The following TRIO variants were observed in gnomAD, a reference collection of about 807,000 sequenced individuals.
TRIO encodes the protein triple functional domain protein.
TRIO carries 58 observed loss-of-function variants against 351.9 expected under a neutral mutation model. That is an observed-to-expected ratio of 0.16 (90% CI 0.13 to 0.21). The LOEUF (loss-of-function observed/expected upper bound fraction) is 0.21. Ranked by LOEUF, TRIO falls within the 10% of genes least tolerant of loss-of-function variation. The pLI is 1.00. For missense variants in TRIO, 3,201 were observed against 4,027.8 expected (o/e 0.79, Z 5.56); for synonymous variants, 1,758 against 1,595.7 (o/e 1.10, Z -2.42).
chr5:14,337,702 G>C (rs912058991), intron 11 of TRIO, among the ~76,000 whole-genome samples: 3 of 152,176 alleles, frequency 2.0e-5, no homozygotes, highest in Admixed American at 2.0e-4. Flanking sequence ...GAAAAGAACG[G>C]CACTACCAGC....
intron 1 of TRIO, among the ~76,000 whole-genome samples, chr5:14,208,527 G>T (rs1468992620): frequency 1.3e-5 from 2 of 152,226 alleles, no homozygotes; most frequent in African/African-American, 4.8e-5. Flanking sequence ...TGACTGCAAA[G>T]AGTCACAAGG....
intron 46 of TRIO, 130 bp downstream of exon 46, chr5:14,482,903 A>G: frequency 1.1e-6 from 1 of 932,320 alleles, no homozygotes; most frequent in Non-Finnish European, 1.5e-6. Context: ...AGTATATTTC[A>G]GAGCCTTGAA....
In TRIO at chr5:14,368,872, T is replaced by C; in HGVS notation, c.3039T>C (p.Ser1013=). Residue 1013 remains serine, a synonymous_variant, in exon 17 of 57, where the codon TCT becomes TCC. Transcript: ENST00000344204. ...ATCGCCTCAAGCTCGTCAACGCCTCTGTCGCTTTCTACAAAACCTCAGAGC... is the reference window on the plus strand; with the variant it reads ...ATCGCCTCAAGCTCGTCAACGCCTCCGTCGCTTTCTACAAAACCTCAGAGC... ...MEDRLKLVNA[S]VAFYKTSEQV... The C allele has an allele frequency of 6.2e-7, 1 of 1,614,176 alleles. No individual in the cohort carries two copies. The highest frequency in any genetic ancestry group is 8.5e-7 in the Non-Finnish European group (1 of 1,180,030).
At chr5:14,178,803 G>T (rs1446996639) in intron 1 of TRIO, among the ~76,000 whole-genome samples, 1 of 152,182 alleles carries the variant, frequency 6.6e-6, no homozygotes, top group African/African-American at 2.4e-5. Flanking sequence ...AAGGAGAGTG[G>T]TCACAGGGGT....
intron 1 of TRIO, among the ~76,000 whole-genome samples, chr5:14,145,064 C>T (rs1191188499): frequency 1.3e-5 from 2 of 151,502 alleles, no homozygotes; most frequent in Non-Finnish European, 2.9e-5. Context: ...GTGGCGGCCT[C>T]GGGGAGGACG....
intron 1 of TRIO, among the ~76,000 whole-genome samples, chr5:14,218,917 C>T (rs1792401080): frequency 6.6e-6 from 1 of 152,256 alleles, no homozygotes; most frequent in East Asian, 1.9e-4. Context: ...GCAGTGCCGG[C>T]AGCAACCCTT....
intron 8 of TRIO, among the ~76,000 whole-genome samples, chr5:14,311,386 G>A (rs995519966): frequency 4.6e-5 from 7 of 152,196 alleles, no homozygotes; most frequent in Non-Finnish European, 1.5e-5. Flanking sequence ...TCATCATTTG[G>A]AGGTCCATCC....
At chr5:14,292,768 C>T (rs1049787206) in intron 5 of TRIO, among the ~76,000 whole-genome samples, 7 of 152,218 alleles carry the variant, frequency 4.6e-5, no homozygotes, top group Non-Finnish European at 8.8e-5. Context: ...ACTCTCTTTA[C>T]TTATCTGCTT....
At chr5:14,309,059 A>T in intron 8 of TRIO, among the ~76,000 whole-genome samples, 1 of 140,656 alleles carries the variant, frequency 7.1e-6, no homozygotes, top group East Asian at 2.3e-4. Flanking sequence ...TTATCTATCT[A>T]CCCACCACTT....
intron 1 of TRIO, among the ~76,000 whole-genome samples, chr5:14,257,755 T>G (rs1795107968): frequency 6.6e-6 from 1 of 152,228 alleles, no homozygotes; most frequent in Non-Finnish European, 1.5e-5. Flanking sequence ...AGTGGCTTTT[T>G]AACAATAATT....
intron 18 of TRIO, 59 bp downstream of exon 18, chr5:14,369,582 C>T (rs981656026): frequency 2.3e-5 from 35 of 1,530,380 alleles, no homozygotes; most frequent in East Asian, 4.7e-5. Flanking sequence ...GCCAGGTGCG[C>T]GTGGCACAGT....
chr5:14,265,104 A>G (rs1295441753), intron 1 of TRIO, among the ~76,000 whole-genome samples: 1 of 144,702 alleles, frequency 6.9e-6, no homozygotes, highest in Non-Finnish European at 1.5e-5. Context: ...TTTTTTCCCA[A>G]TCTCTTCCCG....
intron 19 of TRIO, 114 bp from the exon 20 acceptor site, chr5:14,377,898 C>T (rs1745710397): frequency 2.7e-6 from 2 of 729,422 alleles, no homozygotes; most frequent in East Asian, 2.8e-5. Context: ...CTTTATTTAT[C>T]GTGCTGTCTT....
chr5:14,320,895 C>T (rs1400249338), intron 9 of TRIO, among the ~76,000 whole-genome samples: 2 of 152,156 alleles, frequency 1.3e-5, no homozygotes, highest in Non-Finnish European at 2.9e-5. Context: ...AATTTGAATC[C>T]TCCTTGTCAA....
rs773220678 is a variant in TRIO at position 14,358,308 on chromosome 5, A to G, written c.2177A>G (p.Asn726Ser). The G allele has an allele frequency of 8.7e-6, 14 of 1,614,022 alleles. No homozygotes were observed. The highest frequency in any genetic ancestry group is 1.3e-5 in the African/African-American group (1 of 74,916). ...CAGACCACCCTGCAGGTGACTGTCA[A>G]CGTGATCAAGGAAGGGGAGGACCTC... ...QQQTTLQVTV[N>S]VIKEGEDLIQ... Residue 726 changes from asparagine (N) to serine (S), a missense_variant, in exon 12 of 57, where the codon AAC (asparagine) becomes AGC (serine). By Grantham distance (46) the Asn-to-Ser change is conservative (BLOSUM62 1). Around this residue, in one of 19 missense-constraint regions of TRIO, gnomAD observed 363 missense variants for 553.5 expected, o/e 0.66. Coordinates refer to ENST00000344204, the MANE Select transcript of TRIO (RefSeq NM_007118.4).
chr5:14,218,629 G>A (rs1225937794), intron 1 of TRIO, among the ~76,000 whole-genome samples: 1 of 152,170 alleles, frequency 6.6e-6, no homozygotes, highest in African/African-American at 2.4e-5. Context: ...CAGTGGGGCT[G>A]GAGCAGGGGC....
intron 34 of TRIO, among the ~76,000 whole-genome samples, chr5:14,422,292 A>G (rs914968347): frequency 6.6e-6 from 1 of 152,130 alleles, no homozygotes; most frequent in Non-Finnish European, 1.5e-5. Context: ...GTTGCTTGCT[A>G]TTAAAGTTAG....
At chr5:14,500,074 A>C (rs982461170) in intron 53 of TRIO, among the ~76,000 whole-genome samples, 1 of 148,916 alleles carries the variant, frequency 6.7e-6, no homozygotes, top group Admixed American at 6.7e-5. Context: ...AAAAAAGACT[A>C]TTCATACCCT....
At chr5:14,165,933 C>A (rs1788739090) in intron 1 of TRIO, among the ~76,000 whole-genome samples, 1 of 152,184 alleles carries the variant, frequency 6.6e-6, no homozygotes, top group African/African-American at 2.4e-5. Context: ...TGAATGAATG[C>A]CTTTCTTCTG....
Sources: gnomAD v4.1 joint callset for allele counts (sites outside exome capture counted in the v4.1 genomes callset) on GRCh38, gnomAD v4.1.1 for gene constraint, gnomAD v4.1.1 regional missense constraint, MANE v1.5 for transcripts, NCBI Gene and HGNC (gene_info 2026-07-23, HGNC 2026-07-21) for gene names.